TMEM132B: variants seen among roughly 807,000 people sequenced by gnomAD.
TMEM132B encodes transmembrane protein 132B.
TMEM132B carries 18 observed loss-of-function variants against 90.8 expected under a neutral mutation model. The ratio of observed to expected loss-of-function variants is 0.20; its 90% CI spans 0.14 to 0.29. The LOEUF is 0.29. TMEM132B is among the 10% of genes least tolerant of loss of function. The pLI is 1.00. For synonymous variants in TMEM132B, 504 were observed against 523.3 expected, an observed-to-expected ratio of 0.96 and a Z score of 0.50; for missense variants, 1,096 against 1,326.8, an observed-to-expected ratio of 0.83 and a Z score of 2.70.
At chr12:125,556,329 G>A (rs776520684) in intron 4 of TMEM132B, among the ~76,000 whole-genome samples, 3 of 152,174 alleles carry the variant, frequency 2.0e-5, no homozygotes, top group Non-Finnish European at 4.4e-5. Context: ...TTGGCTGCAC[G>A]TCAAAGACTA....
At chr12:125,429,896 C>G (rs148986335) in intron 3 of TMEM132B, among the ~76,000 whole-genome samples, 1 of 152,190 alleles carries the variant, frequency 6.6e-6, no homozygotes, top group Non-Finnish European at 1.5e-5. Context: ...GTACTCTTTG[C>G]AAGGAGGGCA....
Position 125,492,611 on chromosome 12 carries a change from G to A in TMEM132B, c.1107-26828G>A, listed in dbSNP as rs563845699. Among the ~76,000 whole-genome samples, 55 of 152,236 alleles carry A rather than the reference G, an allele frequency of 3.6e-4. No individual in the cohort carries two copies. The highest frequency in any genetic ancestry group is 1.2e-3 in the East Asian group (6 of 5,160). ...CAGGGGCCCTGGGTGAGGAGGCTACGGCAGCCTCGGGTCCCAGCAGGGCAG... is the reference window on the plus strand; with the variant it reads ...CAGGGGCCCTGGGTGAGGAGGCTACAGCAGCCTCGGGTCCCAGCAGGGCAG... On this transcript the variant is annotated intron_variant, in intron 3 of 8. Coordinates refer to ENST00000682704, the MANE Select transcript of TMEM132B (RefSeq NM_001366854.1). This position sits in a 1 kb window ranked among gnomAD's most constrained non-coding sequence, Gnocchi z 5.8.
intron 1 of TMEM132B, among the ~76,000 whole-genome samples, chr12:125,307,787 AGT>A (rs1876020285): frequency 1.6e-5 from 1 of 60,668 alleles, no homozygotes; most frequent in South Asian, 5.0e-4. Flanking sequence ...TTATAATACA[AGT>A]ATATTACAAG....
At chr12:125,294,702 G>A (rs1041517244) in intron 1 of TMEM132B, among the ~76,000 whole-genome samples, 14 of 152,314 alleles carry the variant, frequency 9.2e-5, no homozygotes, top group Admixed American at 3.3e-4. Context: ...ACTTGCCCAA[G>A]GTGGTAAGCA....
intron 1 of TMEM132B, among the ~76,000 whole-genome samples, chr12:125,230,979 A>G (rs981664005): frequency 6.6e-6 from 1 of 152,156 alleles, no homozygotes. Context: ...GCCATATCAA[A>G]TTGCCACAAA....
At chr12:125,375,855 C>T (rs9988951) in intron 2 of TMEM132B, among the ~76,000 whole-genome samples, 19,549 of 152,182 alleles carry the variant, frequency 0.13, 1,449 homozygotes, top group South Asian at 0.2. Context: ...TCTGGAATGA[C>T]TTTTGTCTTC....
chr12:125,304,690 G>A (rs1188588618), intron 1 of TMEM132B, among the ~76,000 whole-genome samples: 2 of 152,064 alleles, frequency 1.3e-5, no homozygotes, highest in African/African-American at 4.8e-5. Flanking sequence ...CTTTAGCAAG[G>A]CATGGTGCTG....
chr12:125,348,579 C>T (rs1301500156), intron 1 of TMEM132B, among the ~76,000 whole-genome samples: 1 of 151,868 alleles, frequency 6.6e-6, no homozygotes, highest in Non-Finnish European at 1.5e-5. Context: ...AAGTGACCCA[C>T]CTGCCTTGGC....
chr12:125,250,421 T>G (rs1874292702), intron 1 of TMEM132B, among the ~76,000 whole-genome samples: 1 of 152,252 alleles, frequency 6.6e-6, no homozygotes. Context: ...CCCTCGTGTC[T>G]GTGGTCCTCT....
intron 4 of TMEM132B, among the ~76,000 whole-genome samples, chr12:125,571,954 A>T (rs1400147146): frequency 6.6e-6 from 1 of 152,206 alleles, no homozygotes; most frequent in Non-Finnish European, 1.5e-5. Flanking sequence ...CTGTTTGAGG[A>T]TTCAATTCAG....
Position 125,641,847 on chromosome 12 carries a change from C to T in TMEM132B, c.1438-2229C>T, listed in dbSNP as rs563492245. Reference sequence around the variant, plus strand: ...TAAACAAGGGAGAACCGTAATTTTCCACAAATGCAAGAGGTTTGAGGTCTG... The same window carrying T: ...TAAACAAGGGAGAACCGTAATTTTCTACAAATGCAAGAGGTTTGAGGTCTG... On this transcript the variant is annotated intron_variant, in intron 5 of 8. Transcript: ENST00000682704. 1.2e-4 allele frequency among the ~76,000 whole-genome samples: 18 copies of T among 152,198 alleles called. No homozygotes were observed. In the South Asian group the frequency reaches 3.7e-3, roughly 32 times the overall value.
At chr12:125,369,363 T>A (rs144071599) in intron 2 of TMEM132B, among the ~76,000 whole-genome samples, 83 of 152,342 alleles carry the variant, frequency 5.4e-4, no homozygotes, top group African/African-American at 1.8e-3. Context: ...GCAGCATGAT[T>A]TATAATCCTT....
chr12:125,643,005 G>T (rs1382086179), intron 5 of TMEM132B, among the ~76,000 whole-genome samples: 1 of 152,178 alleles, frequency 6.6e-6, no homozygotes, highest in African/African-American at 2.4e-5. Flanking sequence ...TACTCTTTAA[G>T]TTTGGAAGTG....
intron 2 of TMEM132B, among the ~76,000 whole-genome samples, chr12:125,401,347 TA>T (rs1879315898): frequency 6.6e-6 from 1 of 152,106 alleles, no homozygotes; most frequent in Non-Finnish European, 1.5e-5. Flanking sequence ...AGACAGATAA[TA>T]AACAAGGGAA....
chr12:125,656,886 G>A lies in TMEM132B; in HGVS notation c.*2176G>A, dbSNP rs1292746626. Reference sequence around the variant, plus strand: ...CTGGGAATTCATTTCTGAAAATGATGAACCTCCGCTGAAACGGGGAGGAAA... The same window carrying A: ...CTGGGAATTCATTTCTGAAAATGATAAACCTCCGCTGAAACGGGGAGGAAA... On this transcript the variant is annotated 3_prime_UTR_variant, in exon 9 of 9. Coordinates refer to ENST00000682704, the MANE Select transcript of TMEM132B (RefSeq NM_001366854.1). The A allele has an allele frequency of 6.6e-6, 1 of 152,244 alleles. No individual in the cohort carries two copies. The highest frequency in any genetic ancestry group is 2.4e-5 in the African/African-American group (1 of 41,458). 9.4% of individuals were successfully genotyped at this position (152,244 alleles called of 1,614,324 possible).
chr12:125,591,162 A>G (rs1593009818), intron 5 of TMEM132B, among the ~76,000 whole-genome samples: 1 of 152,162 alleles, frequency 6.6e-6, no homozygotes, highest in African/African-American at 2.4e-5. Flanking sequence ...TGAATTTGCA[A>G]AAGATGTATT....
intron 1 of TMEM132B, among the ~76,000 whole-genome samples, chr12:125,322,533 G>A (rs1045045271): frequency 6.6e-6 from 1 of 152,200 alleles, no homozygotes; most frequent in Non-Finnish European, 1.5e-5. Flanking sequence ...GGGATTACCT[G>A]TCAGTGAACA....
At chr12:125,601,539 A>G (rs1441903822) in intron 5 of TMEM132B, among the ~76,000 whole-genome samples, 1 of 152,210 alleles carries the variant, frequency 6.6e-6, no homozygotes, top group Non-Finnish European at 1.5e-5. Flanking sequence ...ACACCCTAAC[A>G]TCACACTTAA....
intron 4 of TMEM132B, among the ~76,000 whole-genome samples, chr12:125,542,383 A>G (rs1883980675): frequency 6.6e-6 from 1 of 152,190 alleles, no homozygotes; most frequent in African/African-American, 2.4e-5. Context: ...TCAAGTGTAC[A>G]GTTCAGTGTT....
Sources: gnomAD v4.1 joint callset for allele counts (sites outside exome capture counted in the v4.1 genomes callset) on GRCh38, gnomAD v4.1.1 for gene constraint, Gnocchi (gnomAD v3.1) non-coding constraint, MANE v1.5 for transcripts, NCBI Gene and HGNC (gene_info 2026-07-23, HGNC 2026-07-21) for gene names.